WWOX: variants seen among roughly 807,000 people sequenced by gnomAD.
WWOX encodes the protein WW domain-containing oxidoreductase.
WWOX carries 69 observed loss-of-function variants against 46.2 expected under a neutral mutation model. The ratio of observed to expected loss-of-function variants is 1.49; its 90% CI spans 1.23 to 1.82. The LOEUF is 1.82. Among genes scored for constraint, WWOX ranks in the 40% most tolerant of loss-of-function variants. The pLI is 0.00. For synonymous variants in WWOX, 359 were observed against 202.6 expected, an observed-to-expected ratio of 1.77 and a Z score of -6.56; for missense variants, 919 against 542.6, an observed-to-expected ratio of 1.69 and a Z score of -6.89.
chr16:78,189,689 G>C (rs188133844), intron 5 of WWOX, among the ~76,000 whole-genome samples: 520 of 152,054 alleles, frequency 3.4e-3, no homozygotes, highest in Non-Finnish European at 6.1e-3. Flanking sequence ...GAGTCTTGCT[G>C]TGTCTCCCAG....
intron 8 of WWOX, among the ~76,000 whole-genome samples, chr16:78,537,388 G>A (rs898840482): frequency 1.3e-5 from 2 of 152,158 alleles, no homozygotes; most frequent in African/African-American, 2.4e-5. Flanking sequence ...CCTAAATCAC[G>A]TGTCTTCTAA....
intron 8 of WWOX, among the ~76,000 whole-genome samples, chr16:79,174,823 TTAAG>T (rs1263889368): frequency 6.6e-6 from 1 of 152,224 alleles, no homozygotes; most frequent in Non-Finnish European, 1.5e-5. Flanking sequence ...TTAATACTAA[TTAAG>T]AGTAAAAAGA....
intron 8 of WWOX, among the ~76,000 whole-genome samples, chr16:78,804,709 T>G (rs1358451100): frequency 6.6e-6 from 1 of 152,258 alleles, no homozygotes; most frequent in Middle Eastern, 3.2e-3. Flanking sequence ...AATTTAGTGC[T>G]TGATAGTTTT....
chr16:78,918,734 A>G (rs1597149800), intron 8 of WWOX, among the ~76,000 whole-genome samples: 5 of 152,172 alleles, frequency 3.3e-5, no homozygotes, highest in Admixed American at 1.3e-4. Flanking sequence ...TTCTCTCACT[A>G]TACCCATTTC....
chr16:78,301,758 C>T (rs746539410), intron 5 of WWOX, among the ~76,000 whole-genome samples: 1 of 152,150 alleles, frequency 6.6e-6, no homozygotes, highest in Non-Finnish European at 1.5e-5. Flanking sequence ...GATGGTTCAA[C>T]TACAGCACAG....
chr16:78,496,841 C>A (rs2738728), intron 8 of WWOX, among the ~76,000 whole-genome samples: 112,283 of 151,562 alleles, frequency 0.74, 43,976 homozygotes, highest in Admixed American at 0.86. Context: ...TTCCGGAAAC[C>A]CCTTTTGCTG....
At chr16:78,113,929 TAC>T (rs753869164) in intron 3 of WWOX, among the ~76,000 whole-genome samples, 2 of 152,034 alleles carry the variant, frequency 1.3e-5, no homozygotes, top group Admixed American at 6.6e-5. Flanking sequence ...AAACTAATTT[TAC>T]ACACACATAC....
chr16:78,683,508 C>A (rs1278882208), intron 8 of WWOX, among the ~76,000 whole-genome samples: 1 of 151,462 alleles, frequency 6.6e-6, no homozygotes, highest in Non-Finnish European at 1.5e-5. Flanking sequence ...CCACTGCACT[C>A]CAGCCTGGCT....
chr16:79,201,303 C>A (rs1166738765), intron 8 of WWOX, among the ~76,000 whole-genome samples: 1 of 151,914 alleles, frequency 6.6e-6, no homozygotes, highest in Non-Finnish European at 1.5e-5. Flanking sequence ...AAGGGCCTCT[C>A]CCTTCCCTAG....
chr16:78,687,507 T>A (rs2047890467), intron 8 of WWOX, among the ~76,000 whole-genome samples: 1 of 152,218 alleles, frequency 6.6e-6, no homozygotes, highest in Non-Finnish European at 1.5e-5. Flanking sequence ...CAGGGCGTCC[T>A]AATTGTGACT....
intron 5 of WWOX, among the ~76,000 whole-genome samples, chr16:78,358,004 T>G (rs1282812636): frequency 1.3e-5 from 2 of 152,192 alleles, no homozygotes; most frequent in Non-Finnish European, 2.9e-5. Context: ...TGTGGAGCTG[T>G]GCATTAGGGC....
At chr16:78,369,072 A>G (rs1453276774) in intron 5 of WWOX, among the ~76,000 whole-genome samples, 1 of 143,930 alleles carries the variant, frequency 6.9e-6, no homozygotes, top group Non-Finnish European at 1.5e-5. Flanking sequence ...TTTTTTTTTT[A>G]ACTATTCTTC....
intron 8 of WWOX, among the ~76,000 whole-genome samples, chr16:78,674,540 C>G (rs1434576192): frequency 2.0e-5 from 3 of 152,158 alleles, no homozygotes; most frequent in African/African-American, 7.2e-5. Context: ...CCTCCTCAGC[C>G]TCCCAAAGTG....
At chr16:79,065,965 C>G (rs551161352) in intron 8 of WWOX, among the ~76,000 whole-genome samples, 3 of 152,186 alleles carry the variant, frequency 2.0e-5, no homozygotes, top group Non-Finnish European at 2.9e-5. Context: ...GCTCATGTCT[C>G]TCCTCTTTGT....
intron 8 of WWOX, among the ~76,000 whole-genome samples, chr16:79,112,740 G>C (rs1463030606): frequency 1.3e-5 from 2 of 152,180 alleles, no homozygotes; most frequent in East Asian, 3.9e-4. Flanking sequence ...TAGAGTCGTA[G>C]AATTTTAGAG....
intron 8 of WWOX, among the ~76,000 whole-genome samples, chr16:78,451,651 T>G (rs559412480): frequency 6.6e-6 from 1 of 152,152 alleles, no homozygotes; most frequent in South Asian, 2.1e-4. Flanking sequence ...GTGGGAGGTG[T>G]GCAGGACACA....
At chr16:79,043,146 C>T (rs191238641) in intron 8 of WWOX, among the ~76,000 whole-genome samples, 3 of 152,100 alleles carry the variant, frequency 2.0e-5, no homozygotes, top group South Asian at 2.1e-4. Context: ...TGCCTACTTG[C>T]AGCTGAAGAG....
At chr16:78,563,513 AC>A (rs2044489401) in intron 8 of WWOX, among the ~76,000 whole-genome samples, 1 of 106,390 alleles carries the variant, frequency 9.4e-6, no homozygotes, top group African/African-American at 4.7e-5. Context: ...ACACACACAC[AC>A]ACGCTTTTTT....
intron 8 of WWOX, among the ~76,000 whole-genome samples, chr16:78,856,476 C>G (rs2052569280): frequency 6.6e-6 from 1 of 152,120 alleles, no homozygotes; most frequent in Non-Finnish European, 1.5e-5. Context: ...AACCTCATTT[C>G]TGCTAAAAAT....
Sources: allele counts gnomAD v4.1 joint callset (sites outside exome capture counted in the v4.1 genomes callset), GRCh38; gene constraint gnomAD v4.1.1; transcripts MANE v1.5; gene names NCBI Gene and HGNC (gene_info 2026-07-23, HGNC 2026-07-21).